Variants in FHL2 observed in about 807,000 individuals in gnomAD.
FHL2 encodes four and a half LIM domains protein 2.
Under a neutral mutation model 32.7 loss-of-function variants are expected in FHL2, and 20 were observed. The ratio of observed to expected loss-of-function variants is 0.61; its 90% CI spans 0.43 to 0.89. The LOEUF (loss-of-function observed/expected upper bound fraction) is 0.89. FHL2 is among the 40% of genes least tolerant of loss of function. FHL2 has a pLI of 0.00. For missense variants in FHL2, 311 were observed against 358.6 expected, an observed-to-expected ratio of 0.87 and a Z score of 1.07; for synonymous variants, 123 against 128.1, an observed-to-expected ratio of 0.96 and a Z score of 0.27.
chr2:105,371,116 C>T (rs1039717726), intron 4 of FHL2, among the ~76,000 whole-genome samples: 4 of 152,080 alleles, frequency 2.6e-5, no homozygotes, highest in Non-Finnish European at 4.4e-5. Context: ...TCTTTCCCTC[C>T]CCAGTAAACA....
intron 5 of FHL2, among the ~76,000 whole-genome samples, chr2:105,365,762 T>C (rs1680587624): frequency 6.6e-6 from 1 of 150,676 alleles, no homozygotes; most frequent in Non-Finnish European, 1.5e-5. Flanking sequence ...GGAGAATCAC[T>C]TGAACCCAGA....
intron 1 of FHL2, among the ~76,000 whole-genome samples, chr2:105,398,525 G>A (rs375280297): frequency 2.0e-5 from 3 of 152,166 alleles, no homozygotes; most frequent in Non-Finnish European, 4.4e-5. Flanking sequence ...GCTGGGACCC[G>A]CGGCCAGCCT....
At chr2:105,407,403 A>G (rs1024338657) in intron 1 of FHL2, among the ~76,000 whole-genome samples, 3 of 151,776 alleles carry the variant, frequency 2.0e-5, no homozygotes, top group Non-Finnish European at 4.4e-5. Context: ...AAAAAAAAAA[A>G]AAAAAAGAAG....
intron 1 of FHL2, among the ~76,000 whole-genome samples, chr2:105,426,005 T>C (rs1684255581): frequency 6.6e-6 from 1 of 152,192 alleles, no homozygotes; most frequent in South Asian, 2.1e-4. Context: ...CAGTCTCTCG[T>C]CCCACCCAAC....
intron 1 of FHL2, among the ~76,000 whole-genome samples, chr2:105,397,220 C>G (rs1034019793): frequency 1.3e-5 from 2 of 152,096 alleles, no homozygotes; most frequent in African/African-American, 4.8e-5. Flanking sequence ...CTCAGGTTCT[C>G]CAGTTAAGCT....
intron 3 of FHL2, among the ~76,000 whole-genome samples, chr2:105,385,577 C>T (rs770332964): frequency 1.5e-4 from 23 of 152,230 alleles, no homozygotes; most frequent in Non-Finnish European, 7.3e-5. Context: ...GCCAGTTTCA[C>T]GGCACTCAGG....
intron 3 of FHL2, among the ~76,000 whole-genome samples, chr2:105,381,429 G>A (rs1681877758): frequency 6.6e-6 from 1 of 152,098 alleles, no homozygotes; most frequent in African/African-American, 2.4e-5. Context: ...CTTATAGGTG[G>A]CAGGACTTGT....
intron 3 of FHL2, chr2:105,374,205 G>C (rs868688996): frequency 4.7e-6 from 1 of 213,396 alleles, no homozygotes; most frequent in South Asian, 8.1e-5. Context: ...GGAGGCCCAA[G>C]GACTGTTTGG....
chr2:105,363,303 A>G lies in FHL2; in HGVS notation c.670T>C (p.Cys224Arg), dbSNP rs1459481251. 1 of 1,614,114 alleles carries G rather than the reference A, an allele frequency of 6.2e-7. No individual in the cohort carries two copies. The highest frequency in any genetic ancestry group is 2.2e-5 in the East Asian group (1 of 44,878). Reference protein sequence around the residue: ...CDLYAKKCAGCTNPISGLGGT... With the variant: ...CDLYAKKCAGRTNPISGLGGT... Reference sequence around the variant, plus strand: ...CACTCACCGCTGATGGGGTTGGTGCACCCAGCACACTTCTTGGCATACAAG... The same window carrying G: ...CACTCACCGCTGATGGGGTTGGTGCGCCCAGCACACTTCTTGGCATACAAG... The change falls in exon 6 of 7, where the codon TGC becomes CGC. Residue 224 changes from cysteine to arginine, a missense_variant. Physicochemically the swap from Cys to Arg is radical, Grantham distance 180 (BLOSUM62 -3). Coordinates refer to ENST00000530340, the MANE Select transcript of FHL2 (RefSeq NM_001318895.3).
chr2:105,382,441 G>A (rs996406887), intron 3 of FHL2, among the ~76,000 whole-genome samples: 2 of 152,186 alleles, frequency 1.3e-5, no homozygotes, highest in African/African-American at 4.8e-5. Context: ...ATTGTACCTC[G>A]GATACTTCCT....
At chr2:105,375,950 CTTTGA>C (rs902657798) in intron 3 of FHL2, 30 of 152,210 alleles carry the variant, frequency 2.0e-4, no homozygotes, top group African/African-American at 7.0e-4. Context: ...GGACAAACTG[CTTTGA>C]TTTGAGTTGA....
intron 3 of FHL2, among the ~76,000 whole-genome samples, chr2:105,382,199 A>G (rs1681945533): frequency 6.6e-6 from 1 of 152,336 alleles, no homozygotes; most frequent in South Asian, 2.1e-4. Context: ...GAGTTTGTGA[A>G]ACAACTTGAG....
intron 1 of FHL2, among the ~76,000 whole-genome samples, chr2:105,423,631 C>G (rs1221729564): frequency 1.3e-5 from 2 of 152,146 alleles, no homozygotes; most frequent in East Asian, 3.8e-4. Flanking sequence ...AACTATATTA[C>G]AAGGCTACAG....
rs565381132 is a variant in FHL2 at position 105,396,825 on chromosome 2, A to G, written c.-75-128T>C. ...AATTCTCATAATAAAACCGCACAGAAGAACCCAATGTCTAATGTTTCCATT... is the reference window on the plus strand; with the variant it reads ...AATTCTCATAATAAAACCGCACAGAGGAACCCAATGTCTAATGTTTCCATT... On this transcript the variant is annotated intron_variant, in intron 1 of 6. Coordinates refer to ENST00000530340, the MANE Select transcript of FHL2 (RefSeq NM_001318895.3). 47 of 759,974 alleles carry G rather than the reference A, an allele frequency of 6.2e-5. No individual in the cohort carries two copies. In the African/African-American group the frequency reaches 7.3e-4, roughly 12 times the overall value. 47.1% of individuals were successfully genotyped at this position (759,974 alleles called of 1,614,324 possible).
intron 4 of FHL2, among the ~76,000 whole-genome samples, chr2:105,371,453 A>G (rs1463426932): frequency 6.6e-6 from 1 of 151,996 alleles, no homozygotes; most frequent in African/African-American, 2.4e-5. Flanking sequence ...TTGGAACTGC[A>G]GTATCATCTC....
chr2:105,407,607 C>T (rs1280968478), intron 1 of FHL2, among the ~76,000 whole-genome samples: 2 of 151,860 alleles, frequency 1.3e-5, no homozygotes, highest in African/African-American at 2.4e-5. Context: ...TCAGCAGATG[C>T]AAACTTGGGA....
At chr2:105,365,507 G>A (rs1057025883) in intron 5 of FHL2, among the ~76,000 whole-genome samples, 4 of 152,112 alleles carry the variant, frequency 2.6e-5, no homozygotes, top group Non-Finnish European at 5.9e-5. Flanking sequence ...ATGAACTTCC[G>A]TTAGGTCTTG....
upstream of FHL2, among the ~76,000 whole-genome samples, chr2:105,403,286 A>G (rs1683528350): frequency 6.6e-6 from 1 of 152,268 alleles, no homozygotes; most frequent in Non-Finnish European, 1.5e-5. Flanking sequence ...TTCTTGAGAG[A>G]AAACCTCTCT....
intron 1 of FHL2, among the ~76,000 whole-genome samples, chr2:105,406,983 T>G (rs1420793084): frequency 6.6e-6 from 1 of 152,218 alleles, no homozygotes; most frequent in East Asian, 1.9e-4. Flanking sequence ...TTCCCATGTT[T>G]ATAACAACAG....
Sources: gnomAD v4.1 joint callset for allele counts (sites outside exome capture counted in the v4.1 genomes callset) on GRCh38, gnomAD v4.1.1 for gene constraint, MANE v1.5 for transcripts, NCBI Gene and HGNC (gene_info 2026-07-23, HGNC 2026-07-21) for gene names.